ME2: variants seen among roughly 807,000 people sequenced by gnomAD.
The protein encoded by ME2 is NAD-dependent malic enzyme, mitochondrial.
Under a neutral mutation model 73.7 loss-of-function variants are expected in ME2, and 60 were observed. The observed-to-expected ratio is 0.81, with a 90% CI of 0.66 to 1.01. ME2 has a LOEUF of 1.01. Among genes scored for constraint, ME2 ranks in the 50% least tolerant of loss-of-function variants. ME2 has a pLI of 0.00. For synonymous variants in ME2, 199 were observed against 236.9 expected, an observed-to-expected ratio of 0.84 and a Z score of 1.47; for missense variants, 594 against 705.5, an observed-to-expected ratio of 0.84 and a Z score of 1.79.
intron 4 of ME2, 47 bp downstream of exon 4, chr18:50,912,997 A>G: frequency 6.7e-7 from 1 of 1,482,932 alleles, no homozygotes; most frequent in Non-Finnish European, 9.1e-7. Context: ...TTGAATAAGG[A>G]AAATATCATT....
Position 50,912,821 on chromosome 18 carries a change from T to A in ME2, c.263T>A (p.Ile88Lys), listed in dbSNP as rs1251551677. ...PLEKYIYIMGIQERNEKLFYR... is the reference protein window; with the variant it reads ...PLEKYIYIMGKQERNEKLFYR... Reference sequence around the variant, plus strand: ...TTCAGATATATCTACATAATGGGAATACAAGAAAGAAATGAGAAATTGTTT... The same window carrying A: ...TTCAGATATATCTACATAATGGGAAAACAAGAAAGAAATGAGAAATTGTTT... The change falls in exon 4 of 16, where the codon ATA (isoleucine) becomes AAA (lysine). Residue 88 changes from isoleucine (I) to lysine (K), a missense_variant. Transcript: ENST00000321341. 5.6e-6 allele frequency: 9 copies of A among 1,599,680 alleles called. No individual in the cohort carries two copies. The highest frequency in any genetic ancestry group is 6.8e-6 in the Non-Finnish European group (8 of 1,171,342).
At chr18:50,896,591 G>A (rs975702228) in intron 2 of ME2, among the ~76,000 whole-genome samples, 20 of 152,054 alleles carry the variant, frequency 1.3e-4, no homozygotes, top group Admixed American at 5.2e-4. Context: ...AAAAGTTCTG[G>A]GAAGAGATTT....
intron 10 of ME2, among the ~76,000 whole-genome samples, chr18:50,923,522 G>A (rs1917475500): frequency 2.0e-5 from 3 of 152,084 alleles, no homozygotes; most frequent in Admixed American, 2.0e-4. Context: ...ACTTTGGGAA[G>A]CTGAGGTGGA....
rs879582816 is a variant in ME2, at chr18:50,918,125, C to A, written c.646C>A (p.Pro216Thr). 8 of 1,592,198 alleles carry A rather than the reference C, an allele frequency of 5.0e-6. No homozygotes were observed. The highest frequency in any genetic ancestry group is 6.9e-6 in the Non-Finnish European group (8 of 1,167,210). ...GTDNIALLKD[P>T]FYMGLYQKRD... ...TATTTTGTAGGCACTCTTAAAAGAC[C>A]CATTTTACATGGGCTTGTACCAGAA... The change falls in exon 7 of 16, where the codon CCA becomes ACA. Residue 216 changes from proline (P) to threonine (T), a missense_variant. Physicochemically the swap from Pro to Thr is conservative, Grantham distance 38. Transcript: ENST00000321341.
At chr18:50,920,967 G>GA in intron 9 of ME2, 107 bp from the exon 10 acceptor site, 2 of 721,216 alleles carry the variant, frequency 2.8e-6, no homozygotes, top group Non-Finnish European at 4.4e-6. Flanking sequence ...ATTTGTAAGG[G>GA]AAAAATAAAC....
chr18:50,924,147 C>T lies in ME2; in HGVS notation c.1106C>T (p.Ala369Val). Residue 369 changes from alanine (A) to valine (V), a missense_variant, in exon 11 of 16, where the codon GCC (alanine) becomes GTC (valine). Physicochemically the swap from Ala to Val is moderately conservative, Grantham distance 64. Transcript: ENST00000321341. The stretch of plus-strand genomic sequence containing the variant: ...TATCAGGAACCATTTACTCACTCAG[C>T]CCCAGAGAGCATACCTGATACTTTT... ...DSYQEPFTHSAPESIPDTFED... is the reference protein window; with the variant it reads ...DSYQEPFTHSVPESIPDTFED... The T allele has an allele frequency of 6.2e-7, 1 of 1,613,352 alleles. No homozygotes were observed. Among genetic ancestry groups the T allele is most frequent in the Non-Finnish European group, 8.5e-7 (1 of 1,179,610 alleles).
chr18:50,941,261 C>CAAA lies in ME2; in HGVS notation c.1587+892_1587+894dup, dbSNP rs35785739. 4.5e-5 allele frequency among the ~76,000 whole-genome samples: 4 copies of CAAA among 89,730 alleles called. No homozygotes were observed. In the East Asian group the frequency reaches 1.3e-3, roughly 29 times the overall value. 58.9% of individuals were successfully genotyped at this position (89,730 alleles called of 152,430 possible). A position where few individuals can be genotyped will look rare whatever the true frequency, so the allele number is the denominator to read the frequency against. On this transcript the variant is annotated intron_variant, in intron 15 of 15. Coordinates refer to ENST00000321341, the MANE Select transcript of ME2 (RefSeq NM_002396.5). ...GGGCCACAAGAGCAAAACTCCATCTCAAAAAAAAAAAAAAAAAAAGAAAGA... is the reference window on the plus strand; with the variant it reads ...GGGCCACAAGAGCAAAACTCCATCTCAAAAAAAAAAAAAAAAAAAAAAGAAAGA...
intron 13 of ME2, chr18:50,939,021 G>A (rs569874674): frequency 6.6e-6 from 1 of 150,442 alleles, no homozygotes; most frequent in South Asian, 2.1e-4. Context: ...ATATTGGGAA[G>A]AAGAAAGAAA....
chr18:50,889,108 C>T (rs2144185718), intron 1 of ME2, among the ~76,000 whole-genome samples: 1 of 152,212 alleles, frequency 6.6e-6, no homozygotes, highest in African/African-American at 2.4e-5. Context: ...AGGTCTTATT[C>T]CTTCTGTCAA....
intron 1 of ME2, among the ~76,000 whole-genome samples, chr18:50,879,547 C>T (rs1032235837): frequency 6.6e-6 from 1 of 152,204 alleles, no homozygotes; most frequent in Admixed American, 6.5e-5. Context: ...CGCGGCTCTA[C>T]CCGGCGCGCG....
chr18:50,925,319 A>G (rs1307993186), intron 11 of ME2, among the ~76,000 whole-genome samples: 2 of 152,048 alleles, frequency 1.3e-5, no homozygotes, highest in East Asian at 3.9e-4. Context: ...TCTCTACTAA[A>G]AATACAAAAA....
intron 1 of ME2, among the ~76,000 whole-genome samples, chr18:50,881,037 A>G (rs1181517086): frequency 1.3e-5 from 2 of 152,200 alleles, no homozygotes; most frequent in Non-Finnish European, 2.9e-5. Context: ...GACATATTTT[A>G]TTCTCTTTAA....
chr18:50,905,384 A>G (rs1440831606), intron 2 of ME2, among the ~76,000 whole-genome samples: 1 of 152,244 alleles, frequency 6.6e-6, no homozygotes, highest in East Asian at 1.9e-4. Flanking sequence ...GCTCAAATCT[A>G]CTGTTGAACC....
chr18:50,928,175 C>T (rs575204014), intron 12 of ME2, among the ~76,000 whole-genome samples: 57 of 151,258 alleles, frequency 3.8e-4, no homozygotes, highest in African/African-American at 1.3e-3. Context: ...AAATATCTCA[C>T]TCATTTTTAT....
In ME2 at chr18:50,950,305, C is replaced by T. The variant is rs143276592; in HGVS notation, c.*3121C>T. The stretch of plus-strand genomic sequence containing the variant: ...TGCCTTTGCTCCTCCTCCCTCCAGG[C>T]CCCCGGGGGCAGAGCCCTGGCTGGT... On this transcript the variant is annotated 3_prime_UTR_variant, in exon 16 of 16. Transcript: ENST00000321341. 1,143 of 152,150 alleles carry T rather than the reference C, an allele frequency of 7.5e-3. 6 individuals carry two copies. The highest frequency in any genetic ancestry group is 0.02 in the Middle Eastern group (6 of 296). 9.4% of individuals were successfully genotyped at this position (152,150 alleles called of 1,614,324 possible).
At chr18:50,898,677 C>T (rs1161118201) in intron 2 of ME2, among the ~76,000 whole-genome samples, 1 of 152,164 alleles carries the variant, frequency 6.6e-6, no homozygotes, top group Non-Finnish European at 1.5e-5. Flanking sequence ...AGGTGATCCG[C>T]CTGCCTTGGC....
At chr18:50,893,627 A>G (rs1008975642) in intron 1 of ME2, among the ~76,000 whole-genome samples, 1 of 152,198 alleles carries the variant, frequency 6.6e-6, no homozygotes, top group African/African-American at 2.4e-5. Context: ...AACAGCTCAG[A>G]TATTTCTTAA....
chr18:50,910,827 G>T (rs1472145816), intron 3 of ME2, among the ~76,000 whole-genome samples: 1 of 152,190 alleles, frequency 6.6e-6, no homozygotes, highest in Admixed American at 6.5e-5. Context: ...GACAGGGAGA[G>T]ATTTGCTCAG....
intron 1 of ME2, among the ~76,000 whole-genome samples, chr18:50,895,143 CTA>C (rs1287448694): frequency 1.3e-5 from 2 of 151,892 alleles, no homozygotes; most frequent in African/African-American, 2.4e-5. Context: ...AAGTAGAAGA[CTA>C]TTATCACTAA....
Sources: gnomAD v4.1 joint callset for allele counts (sites outside exome capture counted in the v4.1 genomes callset) on GRCh38, gnomAD v4.1.1 for gene constraint, MANE v1.5 for transcripts, NCBI Gene and HGNC (gene_info 2026-07-23, HGNC 2026-07-21) for gene names.